Variants in OR51E2 observed in about 807,000 individuals in gnomAD.
OR51E2 encodes the protein olfactory receptor family 51 subfamily E member 2.
OR51E2 carries 14 observed loss-of-function variants against 13.7 expected under a neutral mutation model. That is an observed-to-expected ratio of 1.02 (90% CI 0.68 to 1.60). The LOEUF (loss-of-function observed/expected upper bound fraction) is 1.60, where lower values mean the gene tolerates loss of function less well. Ranked by LOEUF, OR51E2 falls within the 40% of genes most tolerant of loss-of-function variation. The probability of loss-of-function intolerance (pLI) is 0.00; values close to 1 mark genes in which losing one functional copy is unlikely to be tolerated. For missense variants in OR51E2, 483 were observed against 413.8 expected (o/e 1.17, Z -1.45); for synonymous variants, 180 against 157.6 (o/e 1.14, Z -1.07).
At position 4,682,182 on chromosome 11, in the gene OR51E2, T is replaced by C. The variant is rs764513794; in HGVS notation, c.530A>G (p.Tyr177Cys). The change falls in exon 2 of 2, where the codon TAT becomes TGT. Residue 177 changes from tyrosine to cysteine, a missense_variant. Physicochemically the swap from Tyr to Cys is radical, Grantham distance 194. Coordinates refer to ENST00000396950, the MANE Select transcript of OR51E2 (RefSeq NM_030774.4). ...CTTCATTACATCCTGGTGGACACAA[T>C]AGGAGTGCGAGAGGACATTGGAGTG... ...FCHSNVLSHS[Y>C]CVHQDVMKLA... 4 of 1,613,996 alleles carry C rather than the reference T, an allele frequency of 2.5e-6. No individual in the cohort carries two copies. Among genetic ancestry groups the C allele is most frequent in the Non-Finnish European group, 3.4e-6 (4 of 1,179,998 alleles).
intron 1 of OR51E2, among the ~76,000 whole-genome samples, chr11:4,697,306 A>G (rs1442057844): frequency 1.3e-5 from 2 of 152,220 alleles, no homozygotes; most frequent in African/African-American, 4.8e-5. Context: ...GCTGTGTCTA[A>G]TACCAGTAGC....
At position 4,682,073 on chromosome 11, in the gene OR51E2, G is replaced by A; in HGVS notation, c.639C>T (p.Ile213=). ...LLVMGVDVMF[I]SLSYFLIIRT... ...GTATTATCAGAAAATAGGACAAGGAGATGAACATTACGTCCACGCCCATGA... is the reference window on the plus strand; with the variant it reads ...GTATTATCAGAAAATAGGACAAGGAAATGAACATTACGTCCACGCCCATGA... Residue 213 remains isoleucine, a synonymous_variant, in exon 2 of 2, where the codon ATC becomes ATT. Transcript: ENST00000396950. The A allele has an allele frequency of 6.2e-7, 1 of 1,614,236 alleles. No individual in the cohort carries two copies. Among genetic ancestry groups the A allele is most frequent in the African/African-American group, 1.3e-5 (1 of 75,060 alleles).
At chr11:4,685,040 A>G (rs1292945172) in intron 1 of OR51E2, 1 of 152,242 alleles carries the variant, frequency 6.6e-6, no homozygotes. Flanking sequence ...GCCTGACCCC[A>G]GGTAAGGGTG....
intron 1 of OR51E2, among the ~76,000 whole-genome samples, chr11:4,695,366 C>A (rs1847643698): frequency 6.6e-6 from 1 of 152,162 alleles, no homozygotes; most frequent in African/African-American, 2.4e-5. Flanking sequence ...TCTAACTCAA[C>A]AATAAAAGCT....
intron 1 of OR51E2, among the ~76,000 whole-genome samples, chr11:4,686,172 TAC>T (rs1405356385): frequency 6.6e-6 from 1 of 152,194 alleles, no homozygotes; most frequent in African/African-American, 2.4e-5. Context: ...AGGGTGGTCA[TAC>T]ACACCTACCC....
intron 1 of OR51E2, among the ~76,000 whole-genome samples, chr11:4,684,480 C>G (rs1350291588): frequency 6.6e-6 from 1 of 152,118 alleles, no homozygotes; most frequent in Non-Finnish European, 1.5e-5. Flanking sequence ...GGTCAGATCA[C>G]TAGACCACTG....
intron 1 of OR51E2, among the ~76,000 whole-genome samples, chr11:4,686,589 G>A (rs979121540): frequency 1.3e-5 from 2 of 152,202 alleles, no homozygotes; most frequent in Non-Finnish European, 2.9e-5. Flanking sequence ...ATTTAGTCAT[G>A]TGAGACAGGA....
At position 4,681,898 on chromosome 11, in the gene OR51E2, G is replaced by T. The variant is rs541160396; in HGVS notation, c.814C>A (p.Arg272Ser). 6.2e-7 allele frequency: 1 copy of T among 1,614,188 alleles called. No homozygotes were observed. The highest frequency in any genetic ancestry group is 1.1e-5 in the South Asian group (1 of 91,070). ...RFGNSLHPIV[R>S]VVMGDIYLLL... The stretch of plus-strand genomic sequence containing the variant: ...AGGTAGATGTCACCCATGACAACAC[G>T]CACAATGGGATGAAGGCTGTTTCCA... The change falls in exon 2 of 2, where the codon CGT becomes AGT. Residue 272 changes from arginine to serine, a missense_variant. By Grantham distance (110) the Arg-to-Ser change is moderately radical. Coordinates refer to ENST00000396950, the MANE Select transcript of OR51E2 (RefSeq NM_030774.4).
Position 4,682,674 on chromosome 11 carries a change from A to C in OR51E2, c.38T>G (p.Leu13Arg), listed in dbSNP as rs1394584475. The change falls in exon 2 of 2, where the codon CTT becomes CGT. Residue 13 changes from leucine (L) to arginine (R), a missense_variant. Transcript: ENST00000396950. ...SCNFTHATFV[L>R]IGIPGLEKAH... ...TTTCTCTAATCCTGGGATACCAATA[A>C]GCACAAAGGTGGCATGTGTGAAGTT... 2 of 1,614,018 alleles carry C rather than the reference A, an allele frequency of 1.2e-6. No homozygotes were observed. The highest frequency in any genetic ancestry group is 2.7e-5 in the African/African-American group (2 of 74,926).
At chr11:4,690,575 C>A (rs951602491) in intron 1 of OR51E2, 1 of 257,012 alleles carries the variant, frequency 3.9e-6, no homozygotes, top group Non-Finnish European at 7.6e-6. Flanking sequence ...TTCACCTCCT[C>A]ATCTGGAAAA....
intron 1 of OR51E2, chr11:4,691,647 A>G (rs908859034): frequency 2.4e-6 from 1 of 425,038 alleles, no homozygotes; most frequent in African/African-American, 2.0e-5. Flanking sequence ...CAGCCCAGGA[A>G]CACCAGTGAG....
chr11:4,691,009 A>T (rs763642269), intron 1 of OR51E2: 4 of 455,612 alleles, frequency 8.8e-6, no homozygotes, highest in African/African-American at 8.0e-5. Flanking sequence ...TCTTCTGGGG[A>T]AGCAACGCTA....
chr11:4,693,392 C>T (rs1320901559), intron 1 of OR51E2, among the ~76,000 whole-genome samples: 2 of 152,128 alleles, frequency 1.3e-5, no homozygotes, highest in Non-Finnish European at 1.5e-5. Flanking sequence ...TAAGTTGAGA[C>T]GAAGAATTCC....
chr11:4,682,817 C>T, intron 1 of OR51E2, 56 bp from the exon 2 acceptor site: 1 of 1,291,738 alleles, frequency 7.7e-7, no homozygotes, highest in East Asian at 2.5e-5. Context: ...AACTGACATC[C>T]CACCCCTTTT....
At chr11:4,694,987 C>T (rs1292133143) in intron 1 of OR51E2, among the ~76,000 whole-genome samples, 2 of 151,990 alleles carry the variant, frequency 1.3e-5, no homozygotes, top group Non-Finnish European at 2.9e-5. Flanking sequence ...TGAGGAGAGA[C>T]ATGAATGAAA....
intron 1 of OR51E2, among the ~76,000 whole-genome samples, chr11:4,689,643 A>T (rs1328341982): frequency 6.6e-6 from 1 of 152,218 alleles, no homozygotes; most frequent in Non-Finnish European, 1.5e-5. Context: ...GGAATGAATT[A>T]TCTTTCTGAA....
chr11:4,692,500 AC>A (rs1472365212), intron 1 of OR51E2, among the ~76,000 whole-genome samples: 1 of 152,248 alleles, frequency 6.6e-6, no homozygotes, highest in African/African-American at 2.4e-5. Flanking sequence ...CTTAGGAGAT[AC>A]CTAATTGAAT....
chr11:4,689,653 A>C (rs1847554163), intron 1 of OR51E2, among the ~76,000 whole-genome samples: 1 of 152,150 alleles, frequency 6.6e-6, no homozygotes, highest in South Asian at 2.1e-4. Context: ...ATCTTTCTGA[A>C]TTGAGCCATT....
intron 1 of OR51E2, among the ~76,000 whole-genome samples, chr11:4,697,411 G>A (rs1429437768): frequency 6.6e-6 from 1 of 152,170 alleles, no homozygotes; most frequent in East Asian, 1.9e-4. Flanking sequence ...AAATATATCA[G>A]CACACTGATT....
Sources: gnomAD v4.1 joint callset for allele counts (sites outside exome capture counted in the v4.1 genomes callset) on GRCh38, gnomAD v4.1.1 for gene constraint, MANE v1.5 for transcripts, NCBI Gene and HGNC (gene_info 2026-07-23, HGNC 2026-07-21) for gene names.